TXNRD3: variants seen among roughly 807,000 people sequenced by gnomAD.
TXNRD3 encodes TXNRD3 neighbor gene protein.
TXNRD3 carries 68 observed loss-of-function variants against 78.2 expected under a neutral mutation model. That is an observed-to-expected ratio of 0.87 (90% CI 0.72 to 1.06). The LOEUF (loss-of-function observed/expected upper bound fraction) is 1.06, where lower values mean the gene tolerates loss of function less well. Among genes scored for constraint, TXNRD3 ranks in the 50% least tolerant of loss-of-function variants. TXNRD3 has a pLI of 0.00. For synonymous variants in TXNRD3, 296 were observed against 300.1 expected, an observed-to-expected ratio of 0.99 and a Z score of 0.14; for missense variants, 751 against 809.5, an observed-to-expected ratio of 0.93 and a Z score of 0.88.
chr3:126,647,501 T>G (rs959735412), intron 1 of TXNRD3, among the ~76,000 whole-genome samples: 1 of 152,208 alleles, frequency 6.6e-6, no homozygotes, highest in Non-Finnish European at 1.5e-5. Flanking sequence ...TTGCCTTCTT[T>G]TTACTGTCTC....
At chr3:126,617,101 G>C (rs947070679) in intron 12 of TXNRD3, among the ~76,000 whole-genome samples, 1 of 152,062 alleles carries the variant, frequency 6.6e-6, no homozygotes, top group Non-Finnish European at 1.5e-5. Flanking sequence ...TATCAACTAA[G>C]AAAAATAAAC....
At chr3:126,609,699 G>A (rs187780592) in intron 14 of TXNRD3, among the ~76,000 whole-genome samples, 14 of 152,246 alleles carry the variant, frequency 9.2e-5, no homozygotes, top group Non-Finnish European at 1.6e-4. Flanking sequence ...GGATCTGGGC[G>A]GGAGCCAGAA....
intron 14 of TXNRD3, 131 bp downstream of exon 14, chr3:126,610,906 G>T: frequency 2.0e-6 from 1 of 501,882 alleles, no homozygotes; most frequent in South Asian, 3.0e-5. Flanking sequence ...TTGAGGCCAG[G>T]AGTTGGAGAC....
chr3:126,617,001 C>T (rs1445410468), intron 12 of TXNRD3, among the ~76,000 whole-genome samples: 1 of 152,124 alleles, frequency 6.6e-6, no homozygotes, highest in East Asian at 1.9e-4. Flanking sequence ...CACATGTTGC[C>T]GATCCATTTA....
At chr3:126,622,185 C>T (rs1938473873) in intron 11 of TXNRD3, among the ~76,000 whole-genome samples, 1 of 152,176 alleles carries the variant, frequency 6.6e-6, no homozygotes, top group Non-Finnish European at 1.5e-5. Flanking sequence ...CTTTCCCTGA[C>T]CAAGGACATA....
intron 1 of TXNRD3, among the ~76,000 whole-genome samples, chr3:126,652,100 G>A (rs969847075): frequency 3.9e-5 from 6 of 152,242 alleles, no homozygotes; most frequent in African/African-American, 7.2e-5. Context: ...ATTGGCTCAC[G>A]GTTCTGTAGA....
chr3:126,648,741 C>G (rs1020555094), intron 1 of TXNRD3, among the ~76,000 whole-genome samples: 1 of 152,138 alleles, frequency 6.6e-6, no homozygotes, highest in African/African-American at 2.4e-5. Flanking sequence ...CTACAAAACT[C>G]TTAGAAGAAA....
chr3:126,624,033 A>G (rs1284456865), intron 10 of TXNRD3, among the ~76,000 whole-genome samples: 1 of 152,150 alleles, frequency 6.6e-6, no homozygotes, highest in Non-Finnish European at 1.5e-5. Context: ...AACATGAAGT[A>G]TGTTTAGCAA....
At chr3:126,624,265 A>G (rs746186978) in intron 10 of TXNRD3, among the ~76,000 whole-genome samples, 5 of 152,332 alleles carry the variant, frequency 3.3e-5, no homozygotes, top group South Asian at 2.1e-4. Context: ...AAAGTTATAT[A>G]GAAATGCAAA....
intron 13 of TXNRD3, among the ~76,000 whole-genome samples, chr3:126,614,550 G>A (rs937737977): frequency 5.3e-5 from 8 of 152,070 alleles, no homozygotes; most frequent in Non-Finnish European, 8.8e-5. Flanking sequence ...AGTTATAAAC[G>A]CTGATAAAAT....
At chr3:126,613,582 A>C (rs1388261698) in intron 13 of TXNRD3, among the ~76,000 whole-genome samples, 1 of 152,226 alleles carries the variant, frequency 6.6e-6, no homozygotes. Flanking sequence ...GTTGCAAAAC[A>C]ATGCTGGTCT....
rs539684474 is a variant in TXNRD3 at position 126,617,039 on chromosome 3, T to C, written c.1525-1577A>G. 2.5e-4 allele frequency among the ~76,000 whole-genome samples: 38 copies of C among 152,214 alleles called. 1 individual carries two copies. Among genetic ancestry groups the C allele is most frequent in the Admixed American group, 6.5e-4 (10 of 15,280 alleles). ...GACTGGCAGCTGACCCTAGATTCCA[T>C]AGCTTACATGGGAGGCCTCATTCTT... On this transcript the variant is annotated intron_variant, in intron 12 of 15. Transcript: ENST00000524230.
In TXNRD3 at chr3:126,645,596, A is replaced by G. The variant is rs80074955; in HGVS notation, c.414+515T>C. On this transcript the variant is annotated intron_variant, in intron 3 of 15. Transcript: ENST00000524230. The stretch of plus-strand genomic sequence containing the variant: ...ATATATAAAGGATATGACAGAGTAG[A>G]ATTTTAATAAAAGTAAATAACTAAT... 8.3e-4 allele frequency among the ~76,000 whole-genome samples: 126 copies of G among 152,346 alleles called. 5 individuals carry two copies. The East Asian group carries it at 0.022, about 27-fold the overall frequency.
chr3:126,642,338 T>A (rs1933113920), intron 5 of TXNRD3, among the ~76,000 whole-genome samples, 187 bp from the exon 6 acceptor site: 1 of 152,120 alleles, frequency 6.6e-6, no homozygotes, highest in Non-Finnish European at 1.5e-5. Context: ...GACCCAAAGA[T>A]GAGTAAAAAT....
intron 10 of TXNRD3, 91 bp from the exon 11 acceptor site, chr3:126,622,631 T>A: frequency 1.1e-6 from 1 of 927,404 alleles, no homozygotes; most frequent in Non-Finnish European, 1.6e-6. Context: ...ATTAAAAGGG[T>A]AATAATGGAA....
rs1938469959 is a variant in TXNRD3, at chr3:126,622,045, G to C, written c.1368-147C>G. The C allele has an allele frequency of 1.1e-5, 7 of 625,626 alleles. No individual in the cohort carries two copies. In the South Asian group the frequency reaches 2.4e-4, roughly 21 times the overall value. The allele number at this position is 625,626 out of a possible 1,614,324, so 38.8% of individuals were successfully genotyped here. A position where few individuals can be genotyped will look rare whatever the true frequency, so the allele number is the denominator to read the frequency against. On this transcript the variant is annotated intron_variant, in intron 11 of 15. Transcript: ENST00000524230. ...GATATCAATTATATATAAGGTCAATGACTTAAAGTAACAAGGGTTTCTGTA... is the reference window on the plus strand; with the variant it reads ...GATATCAATTATATATAAGGTCAATCACTTAAAGTAACAAGGGTTTCTGTA...
intron 13 of TXNRD3, among the ~76,000 whole-genome samples, chr3:126,611,396 T>C (rs977398475): frequency 2.0e-5 from 3 of 152,166 alleles, no homozygotes; most frequent in Non-Finnish European, 2.9e-5. Context: ...TTTTCAAACA[T>C]GTATAGAGTA....
intron 1 of TXNRD3, among the ~76,000 whole-genome samples, chr3:126,654,258 C>T (rs564760851): frequency 6.6e-6 from 1 of 152,280 alleles, no homozygotes; most frequent in South Asian, 2.1e-4. Context: ...CTGTCTTCCA[C>T]GTATCATTTT....
At chr3:126,623,770 A>C (rs933623054) in intron 10 of TXNRD3, among the ~76,000 whole-genome samples, 4 of 148,370 alleles carry the variant, frequency 2.7e-5, no homozygotes, top group Non-Finnish European at 5.9e-5. Flanking sequence ...TTCACCCCTA[A>C]CACCAGGAAC....
Sources: gnomAD v4.1 joint callset for allele counts (sites outside exome capture counted in the v4.1 genomes callset) on GRCh38, gnomAD v4.1.1 for gene constraint, MANE v1.5 for transcripts, NCBI Gene and HGNC (gene_info 2026-07-23, HGNC 2026-07-21) for gene names.